CSMD3: variants seen among roughly 807,000 people sequenced by gnomAD.
CSMD3 encodes CUB and Sushi multiple domains 3.
A neutral mutation model predicts 435.2 loss-of-function variants in CSMD3; 177 were observed. The ratio of observed to expected loss-of-function variants is 0.41; its 90% CI spans 0.36 to 0.46. CSMD3 has a LOEUF of 0.46. CSMD3 is among the 20% of genes least tolerant of loss of function. The probability of loss-of-function intolerance (pLI) is 0.34; values close to 1 mark genes in which losing one functional copy is unlikely to be tolerated. For missense variants in CSMD3, 4,265 were observed against 4,504.6 expected (o/e 0.95, Z 1.52); for synonymous variants, 1,656 against 1,520.5 (o/e 1.09, Z -2.07).
At chr8:112,751,626 A>AGG (rs372415007) in intron 13 of CSMD3, among the ~76,000 whole-genome samples, 1 of 138,706 alleles carries the variant, frequency 7.2e-6, no homozygotes, top group African/African-American at 2.7e-5. Flanking sequence ...TAAGAAGTTT[A>AGG]GGTTTTTTTT....
rs569742609 is a variant in CSMD3 at position 112,743,995 on chromosome 8, A to G, written c.1973-53945T>C. Among the ~76,000 whole-genome samples, 117 of 152,158 alleles carry G rather than the reference A, an allele frequency of 7.7e-4. 1 individual carries two copies. The highest frequency in any genetic ancestry group is 1.3e-3 in the Non-Finnish European group (86 of 67,948). On this transcript the variant is annotated intron_variant, in intron 13 of 70. Coordinates refer to ENST00000297405, the MANE Select transcript of CSMD3 (RefSeq NM_198123.2). ...CTGAAGAGAACCTTAAATCTATGAA[A>G]TGGTCTGTTAGGCAATGTTATTATA... is the stretch of plus-strand genomic sequence containing the variant.
chr8:112,870,134 C>T (rs560604445), intron 10 of CSMD3, among the ~76,000 whole-genome samples: 42 of 151,832 alleles, frequency 2.8e-4, no homozygotes, highest in African/African-American at 9.4e-4. Context: ...AGGGTACATG[C>T]GGCAAACATT....
intron 22 of CSMD3, among the ~76,000 whole-genome samples, chr8:112,605,354 T>C (rs968513749): frequency 1.3e-5 from 2 of 152,084 alleles, no homozygotes; most frequent in Non-Finnish European, 2.9e-5. Flanking sequence ...CTATTCAAAA[T>C]AGTAAAGACA....
chr8:112,280,993 A>G (rs1818571426), intron 59 of CSMD3, among the ~76,000 whole-genome samples, 181 bp downstream of exon 59: 1 of 152,276 alleles, frequency 6.6e-6, no homozygotes, highest in Admixed American at 6.5e-5. Flanking sequence ...AAGCCAACTT[A>G]TCCTAAAGTC....
chr8:112,637,003 A>G lies in CSMD3; in HGVS notation c.3529T>C (p.Tyr1177His), dbSNP rs1271849338. Reference protein sequence around the residue: ...YEGFNITFSEYNLEPCEDPGI... With the variant: ...YEGFNITFSEHNLEPCEDPGI... The stretch of plus-strand genomic sequence containing the variant: ...GGATCTTCACAAGGTTCAAGGTTAT[A>G]TTCTGTAAATTAGAGAGAAAAATTT... The change falls in exon 22 of 71, where the codon TAT (tyrosine) becomes CAT (histidine). Residue 1177 changes from tyrosine (Y) to histidine (H), a missense_variant and splice_region_variant. Tyr to His is a moderately conservative substitution (Grantham distance 83). Around this residue, in one of 3 missense-constraint regions of CSMD3, gnomAD observed 3,255 missense variants for 3,380.2 expected, o/e 0.96. Coordinates refer to ENST00000297405, the MANE Select transcript of CSMD3 (RefSeq NM_198123.2). 6.2e-7 allele frequency: 1 copy of G among 1,613,330 alleles called. No homozygotes were observed. The highest frequency in any genetic ancestry group is 8.5e-7 in the Non-Finnish European group (1 of 1,179,408).
chr8:112,685,014 G>A (rs1409002765), intron 15 of CSMD3, among the ~76,000 whole-genome samples: 1 of 151,932 alleles, frequency 6.6e-6, no homozygotes, highest in Admixed American at 6.6e-5. Flanking sequence ...ATATCTATTG[G>A]TGCATGAATA....
chr8:113,216,995 C>A (rs1169269674), intron 3 of CSMD3, among the ~76,000 whole-genome samples: 1 of 151,746 alleles, frequency 6.6e-6, no homozygotes, highest in Non-Finnish European at 1.5e-5. Flanking sequence ...AATAAAACTT[C>A]CAGAGACCAT....
intron 3 of CSMD3, among the ~76,000 whole-genome samples, chr8:113,249,003 C>T (rs575217637): frequency 6.6e-6 from 1 of 152,082 alleles, no homozygotes; most frequent in South Asian, 2.1e-4. Context: ...TAATAATCCC[C>T]ACGTGTCAAG....
chr8:112,436,670 G>A (rs1814389453), intron 32 of CSMD3, among the ~76,000 whole-genome samples: 1 of 151,792 alleles, frequency 6.6e-6, no homozygotes, highest in Non-Finnish European at 1.5e-5. Flanking sequence ...ACAAAGATAT[G>A]CATATACAAC....
chr8:113,313,408 G>C (rs911406053), intron 2 of CSMD3: 1 of 151,694 alleles, frequency 6.6e-6, no homozygotes, highest in Non-Finnish European at 1.5e-5. Flanking sequence ...TGCAAGCTCC[G>C]CCTCCCGGGT....
intron 4 of CSMD3, among the ~76,000 whole-genome samples, chr8:113,161,372 C>G (rs1193106233): frequency 2.0e-5 from 3 of 152,108 alleles, no homozygotes; most frequent in Non-Finnish European, 4.4e-5. Context: ...TAAATCTCTA[C>G]TAGCTTTAGT....
chr8:113,211,935 AT>A (rs1320366996), intron 3 of CSMD3, among the ~76,000 whole-genome samples: 2 of 152,196 alleles, frequency 1.3e-5, no homozygotes, highest in African/African-American at 4.8e-5. Flanking sequence ...AAAAAAGAAG[AT>A]TTAAATGTTG....
At chr8:112,471,357 C>CA (rs1184060834) in intron 32 of CSMD3, among the ~76,000 whole-genome samples, 1 of 151,982 alleles carries the variant, frequency 6.6e-6, no homozygotes, top group Non-Finnish European at 1.5e-5. Flanking sequence ...ACTCAAAAGG[C>CA]AAAAAATAAA....
chr8:112,844,960 G>T (rs1216761130), intron 11 of CSMD3, among the ~76,000 whole-genome samples: 1 of 151,910 alleles, frequency 6.6e-6, no homozygotes, highest in Non-Finnish European at 1.5e-5. Flanking sequence ...TTATGCATAT[G>T]ATTCCGGTAT....
intron 1 of CSMD3, among the ~76,000 whole-genome samples, chr8:113,395,336 G>T (rs981982289): frequency 2.0e-5 from 3 of 152,048 alleles, no homozygotes; most frequent in Admixed American, 6.6e-5. Context: ...GGCCGGACGC[G>T]GTGGCTCACG....
intron 38 of CSMD3, among the ~76,000 whole-genome samples, chr8:112,372,199 C>T (rs1311749184): frequency 1.3e-5 from 2 of 151,820 alleles, no homozygotes; most frequent in African/African-American, 2.4e-5. Context: ...GGAAATGAAT[C>T]GTGAAAGGAG....
intron 28 of CSMD3, among the ~76,000 whole-genome samples, chr8:112,507,766 A>G (rs1266630477): frequency 6.6e-6 from 1 of 152,084 alleles, no homozygotes; most frequent in Non-Finnish European, 1.5e-5. Context: ...GAGATATGTA[A>G]TATCATCACT....
At chr8:113,272,750 T>C (rs2093539005) in intron 3 of CSMD3, among the ~76,000 whole-genome samples, 1 of 152,182 alleles carries the variant, frequency 6.6e-6, no homozygotes, top group African/African-American at 2.4e-5. Flanking sequence ...TAATATCTAA[T>C]ACGGAACATA....
intron 59 of CSMD3, among the ~76,000 whole-genome samples, chr8:112,275,364 A>G (rs1817942653): frequency 6.6e-6 from 1 of 152,078 alleles, no homozygotes; most frequent in Non-Finnish European, 1.5e-5. Flanking sequence ...CCTGATCAAC[A>G]TGGCGAAACC....
Sources: allele counts gnomAD v4.1 joint callset (sites outside exome capture counted in the v4.1 genomes callset), GRCh38; gene constraint gnomAD v4.1.1; regional missense constraint gnomAD v4.1.1; transcripts MANE v1.5; gene names NCBI Gene and HGNC (gene_info 2026-07-23, HGNC 2026-07-21).